Variants in SOX6 observed in about 807,000 individuals in gnomAD.
SOX6 encodes the protein SRY-box transcription factor 6, also known as transcription factor SOX-6.
In SOX6, 11 loss-of-function variants were observed where a neutral mutation model predicts 97.8. That is an observed-to-expected ratio of 0.11 (90% CI 0.07 to 0.19). The LOEUF (loss-of-function observed/expected upper bound fraction) is 0.19, where lower values mean the gene tolerates loss of function less well. Ranked by LOEUF, SOX6 falls within the 10% of genes least tolerant of loss-of-function variation. SOX6 has a pLI of 1.00. For synonymous variants in SOX6, 360 were observed against 371.4 expected, an observed-to-expected ratio of 0.97 and a Z score of 0.35; for missense variants, 810 against 1,039.5, an observed-to-expected ratio of 0.78 and a Z score of 3.04.
At chr11:16,515,210 T>G (rs539567018) in intron 4 of SOX6, among the ~76,000 whole-genome samples, 2 of 152,104 alleles carry the variant, frequency 1.3e-5, no homozygotes, top group Admixed American at 6.6e-5. Flanking sequence ...CAGCACCTGT[T>G]GTTTCCTGAC....
intron 1 of SOX6, among the ~76,000 whole-genome samples, chr11:16,460,061 C>G (rs1590212032): frequency 6.6e-6 from 1 of 151,916 alleles, no homozygotes; most frequent in East Asian, 1.9e-4. Flanking sequence ...GGGAAAAAAG[C>G]AGCCAGAGGA....
At position 16,353,831 on chromosome 11, in the gene SOX6, T is replaced by C. The variant is rs551023314; in HGVS notation, c.-5+2263A>G. Reference sequence around the variant, plus strand: ...TTTTCCCAAGCTGTGGTGTTAGTTATAGGAAAGAATCCTGCATTATTTATC... The same window carrying C: ...TTTTCCCAAGCTGTGGTGTTAGTTACAGGAAAGAATCCTGCATTATTTATC... On this transcript the variant is annotated intron_variant, in intron 1 of 15. Coordinates refer to ENST00000683767, the MANE Select transcript of SOX6 (RefSeq NM_001367873.1). Among the ~76,000 whole-genome samples the C allele has an allele frequency of 1.6e-4, 24 of 152,162 alleles. No individual in the cohort carries two copies. In the South Asian group the frequency reaches 4.1e-3, roughly 26 times the overall value.
At chr11:16,405,105 C>G (rs968881537) in intron 1 of SOX6, among the ~76,000 whole-genome samples, 5 of 151,892 alleles carry the variant, frequency 3.3e-5, no homozygotes, top group African/African-American at 1.2e-4. Flanking sequence ...TATGAAACAG[C>G]CTTTTATCCC....
intron 1 of SOX6, among the ~76,000 whole-genome samples, chr11:16,434,900 A>C (rs1457558586): frequency 1.3e-5 from 2 of 152,200 alleles, no homozygotes; most frequent in East Asian, 3.8e-4. Flanking sequence ...TTTAATGATC[A>C]AGTTTATATT....
At chr11:16,088,271 T>C (rs1225623687) in intron 9 of SOX6, among the ~76,000 whole-genome samples, 4 of 152,240 alleles carry the variant, frequency 2.6e-5, no homozygotes, top group South Asian at 2.1e-4. Flanking sequence ...TTTGTTACAA[T>C]TGATGAGCCT....
chr11:16,429,714 A>T (rs1354332490), intron 1 of SOX6, among the ~76,000 whole-genome samples: 1 of 152,076 alleles, frequency 6.6e-6, no homozygotes, highest in Non-Finnish European at 1.5e-5. Context: ...ATCAGGAAAA[A>T]TAACTTATAA....
At chr11:16,591,843 T>C in intron 4 of SOX6, among the ~76,000 whole-genome samples, 1 of 152,120 alleles carries the variant, frequency 6.6e-6, no homozygotes, top group East Asian at 1.9e-4. Context: ...TCTTCTCCCA[T>C]TTGGATCTAT....
In SOX6 at chr11:16,610,489, G is replaced by A. The variant is rs1002782652; in HGVS notation, n.609+1592C>T. Among the ~76,000 whole-genome samples, 5 of 152,194 alleles carry A rather than the reference G, an allele frequency of 3.3e-5. No individual in the cohort carries two copies. The highest frequency in any genetic ancestry group is 7.2e-5 in the African/African-American group (3 of 41,430). On this transcript the variant is annotated intron_variant and non_coding_transcript_variant, in intron 4 of 5. Coordinates refer to the SOX6 transcript ENST00000524520. The surrounding 1 kb of genome is among the most constrained non-coding windows in gnomAD (Gnocchi z 4.4). ...TAGCGGGAGGCAAGAAGGAAAAGAA[G>A]GAGACATTATCAAGATCTCTGGCGT...
At chr11:16,078,442 G>A (rs1478893538) in intron 9 of SOX6, among the ~76,000 whole-genome samples, 1 of 152,182 alleles carries the variant, frequency 6.6e-6, no homozygotes, top group East Asian at 1.9e-4. Flanking sequence ...TACATGTGCT[G>A]AGTCCAATCA....
chr11:16,561,437 A>G (rs1443265339), intron 4 of SOX6, among the ~76,000 whole-genome samples: 1 of 152,154 alleles, frequency 6.6e-6, no homozygotes, highest in Non-Finnish European at 1.5e-5. Context: ...CAGAAGACTC[A>G]TGACTTCATT....
At chr11:16,478,555 T>C (rs117530436), upstream of SOX6, among the ~76,000 whole-genome samples, 592 of 152,314 alleles carry the variant, frequency 3.9e-3, 13 homozygotes, top group East Asian at 0.05. Context: ...AAAGCAACTG[T>C]GAATCTCATT....
chr11:16,584,702 T>C (rs115569723), intron 4 of SOX6, among the ~76,000 whole-genome samples: 2,196 of 152,280 alleles, frequency 0.014, 50 homozygotes, highest in African/African-American at 0.05. Context: ...CATGCTGGGC[T>C]GAAGCTAAGC....
At chr11:16,436,665 T>C (rs958201475) in intron 1 of SOX6, among the ~76,000 whole-genome samples, 7 of 152,152 alleles carry the variant, frequency 4.6e-5, no homozygotes, top group African/African-American at 1.7e-4. Flanking sequence ...ATCTGTAAAA[T>C]AGGTTTTGTA....
chr11:16,656,885 G>A (rs571811541), intron 3 of SOX6, among the ~76,000 whole-genome samples: 7 of 152,054 alleles, frequency 4.6e-5, no homozygotes, highest in African/African-American at 1.7e-4. Flanking sequence ...TCACTATCCC[G>A]GCTCACAGTT....
intron 1 of SOX6, among the ~76,000 whole-genome samples, chr11:16,416,974 C>T (rs1243547824): frequency 6.6e-6 from 1 of 152,096 alleles, no homozygotes; most frequent in Non-Finnish European, 1.5e-5. Context: ...CAGAACTCCC[C>T]ATGTAAATTT....
rs752774148 is a variant in SOX6 at position 16,413,512 on chromosome 11, CTT to C, written c.-5+62801_-5+62802del. Among the ~76,000 whole-genome samples, 188 of 76,228 alleles carry C rather than the reference CTT, an allele frequency of 2.5e-3. 2 individuals carry two copies. Among genetic ancestry groups the C allele is most frequent in the Middle Eastern group, 0.011 (1 of 88 alleles). 50.0% of individuals were successfully genotyped at this position (76,228 alleles called of 152,430 possible). On this transcript the variant is annotated intron_variant, in intron 1 of 15. Transcript: ENST00000396356. The stretch of plus-strand genomic sequence containing the variant: ...TAATTTGTATCTGAAAAGACTTCTA[CTT>C]TTTTTTTTTTTTTTTTTTTTTTTTA...
At chr11:16,421,177 C>G (rs1260939363) in intron 1 of SOX6, among the ~76,000 whole-genome samples, 2 of 152,034 alleles carry the variant, frequency 1.3e-5, no homozygotes, top group Non-Finnish European at 2.9e-5. Context: ...TTTATAAGTA[C>G]ACCAAAATAC....
chr11:16,202,803 G>A (rs1851974938), intron 4 of SOX6, among the ~76,000 whole-genome samples: 1 of 152,010 alleles, frequency 6.6e-6, no homozygotes. Flanking sequence ...ACCTAACACA[G>A]AAATAAATGT....
chr11:16,478,527 G>T (rs1475077969), upstream of SOX6, among the ~76,000 whole-genome samples: 2 of 152,164 alleles, frequency 1.3e-5, no homozygotes, highest in Non-Finnish European at 2.9e-5. Flanking sequence ...TATCAGTCCA[G>T]TCGTGCTACA....
Sources: gnomAD v4.1 joint callset for allele counts (sites outside exome capture counted in the v4.1 genomes callset) on GRCh38, gnomAD v4.1.1 for gene constraint, Gnocchi (gnomAD v3.1) non-coding constraint, MANE v1.5 for transcripts, NCBI Gene and HGNC (gene_info 2026-07-23, HGNC 2026-07-21) for gene names.